Variants in UMODL1 observed in about 807,000 individuals in gnomAD.
UMODL1 encodes uromodulin-like 1.
UMODL1 carries 128 observed loss-of-function variants against 136.3 expected under a neutral mutation model. The ratio of observed to expected loss-of-function variants is 0.94; its 90% CI spans 0.81 to 1.09. The LOEUF (loss-of-function observed/expected upper bound fraction) is 1.09, where lower values mean the gene tolerates loss of function less well. UMODL1 is among the 50% of genes least tolerant of loss of function. The probability of loss-of-function intolerance (pLI) is 0.00; values close to 1 mark genes in which losing one functional copy is unlikely to be tolerated. For missense variants in UMODL1, 1,766 were observed against 1,725.6 expected, an observed-to-expected ratio of 1.02 and a Z score of -0.41; for synonymous variants, 721 against 720.0, an observed-to-expected ratio of 1.00 and a Z score of -0.02.
Position 42,071,341 on chromosome 21 carries a change from C to T in UMODL1, c.25C>T (p.Leu9=). Residue 9 remains leucine (L), a synonymous_variant, in exon 1 of 23, where the codon CTG becomes TTG. Coordinates refer to ENST00000408910, the MANE Select transcript of UMODL1 (RefSeq NM_001004416.3). The stretch of plus-strand genomic sequence containing the variant: ...GATGCTCAGGACCTCGGGGCTGGCA[C>T]TGCTGGCTCTGGTCAGTGCTGTGGG... MLRTSGLA[L]LALVSAVGPS... 1.3e-6 allele frequency: 2 copies of T among 1,596,718 alleles called. No individual in the cohort carries two copies. The highest frequency in any genetic ancestry group is 2.3e-5 in the South Asian group (2 of 88,406).
intron 10 of UMODL1, among the ~76,000 whole-genome samples, chr21:42,110,427 T>C (rs534716000): frequency 6.6e-6 from 1 of 152,322 alleles, no homozygotes; most frequent in South Asian, 2.1e-4. Flanking sequence ...CTGTCCTGCT[T>C]CCTAACATCC....
At chr21:42,094,174 C>T (rs777480372) in intron 6 of UMODL1, 32 of 344,130 alleles carry the variant, frequency 9.3e-5, no homozygotes, top group Non-Finnish European at 1.8e-4. Context: ...GCCGCTCGAG[C>T]GACCGCCAAA....
chr21:42,064,496 G>A (rs993348485), intron 1 of UMODL1, among the ~76,000 whole-genome samples: 1 of 152,328 alleles, frequency 6.6e-6, no homozygotes, highest in African/African-American at 2.4e-5. Context: ...TGGTGGACTT[G>A]TCAGCTCCGT....
chr21:42,109,703 C>T lies in UMODL1; in HGVS notation c.1657+4C>T, dbSNP rs536415460. On this transcript the variant is annotated splice_donor_region_variant and intron_variant, in intron 10 of 22. Transcript: ENST00000408910. Reference sequence around the variant, plus strand: ...CGCGCAGGCCGGGCCTGTGAGGGTACGTGTCGACCCCCCTGCCGACTCTGG... The same window carrying T: ...CGCGCAGGCCGGGCCTGTGAGGGTATGTGTCGACCCCCCTGCCGACTCTGG... The T allele has an allele frequency of 3.0e-5, 48 of 1,600,706 alleles. No individual in the cohort carries two copies. Among genetic ancestry groups the T allele is most frequent in the Middle Eastern group, 1.7e-4 (1 of 5,896 alleles).
chr21:42,084,385 G>T (rs929334016), intron 3 of UMODL1, 140 bp downstream of exon 3: 2 of 864,424 alleles, frequency 2.3e-6, no homozygotes, highest in Admixed American at 3.5e-5. Flanking sequence ...GTGTGCACAG[G>T]CAGCACCTGC....
At chr21:42,101,603 G>A (rs777877220) in intron 7 of UMODL1, 16 of 409,740 alleles carry the variant, frequency 3.9e-5, no homozygotes, top group Non-Finnish European at 5.8e-5. Flanking sequence ...AATGAAAGAT[G>A]AATATTCCCG....
At chr21:42,136,564 G>A (rs929199483) in intron 21 of UMODL1, among the ~76,000 whole-genome samples, 1 of 152,202 alleles carries the variant, frequency 6.6e-6, no homozygotes, top group Non-Finnish European at 1.5e-5. Context: ...GTTGGGTCAT[G>A]TTCCATTGCA....
intron 17 of UMODL1, among the ~76,000 whole-genome samples, chr21:42,124,136 C>T (rs1161731147): frequency 1.3e-5 from 2 of 151,826 alleles, no homozygotes; most frequent in Non-Finnish European, 2.9e-5. Context: ...GCGAACGCTC[C>T]CATGCAGGCC....
At chr21:42,113,965 C>G in intron 13 of UMODL1, 135 bp downstream of exon 13, 2 of 1,283,974 alleles carry the variant, frequency 1.6e-6, no homozygotes, top group Non-Finnish European at 2.1e-6. Flanking sequence ...TAGGGACATC[C>G]GGCTGGCTTC....
chr21:42,128,047 C>T, intron 20 of UMODL1: 2 of 674,000 alleles, frequency 3.0e-6, no homozygotes, highest in South Asian at 3.0e-5. Flanking sequence ...TGGGCATTTC[C>T]CATTTCTCAA....
At chr21:42,077,041 G>A (rs921371390) in intron 2 of UMODL1, among the ~76,000 whole-genome samples, 1 of 140,994 alleles carries the variant, frequency 7.1e-6, no homozygotes, top group Admixed American at 6.8e-5. Flanking sequence ...GTGTGTGTGT[G>A]TGTGTGTGTG....
chr21:42,108,451 G>A (rs2066755804), intron 9 of UMODL1: 4 of 468,966 alleles, frequency 8.5e-6, no homozygotes, highest in Non-Finnish European at 1.3e-5. Flanking sequence ...CTGCTTCTGT[G>A]GAGACCGCAG....
At position 42,085,402 on chromosome 21, in the gene UMODL1, T is replaced by C. The variant is rs1316345939; in HGVS notation, c.593T>C (p.Leu198Pro). The change falls in exon 4 of 23, where the codon CTG (leucine) becomes CCG (proline). Residue 198 changes from leucine to proline, a missense_variant. Transcript: ENST00000408910. The surrounding 1 kb of genome is among the most constrained non-coding windows in gnomAD (Gnocchi z 4.5). Reference protein sequence around the residue: ...DPRLLNHMRLLHSLVTSALQP... With the variant: ...DPRLLNHMRLPHSLVTSALQP... ...AGGCTCCTGAACCACATGCGCCTTC[T>C]GCATTCCTTGGTAGGTGAGACAGAC... 1 of 1,613,948 alleles carries C rather than the reference T, an allele frequency of 6.2e-7. No individual in the cohort carries two copies. The highest frequency in any genetic ancestry group is 1.1e-5 in the South Asian group (1 of 91,078).
chr21:42,108,260 T>G (rs369568174), intron 9 of UMODL1: 6 of 487,962 alleles, frequency 1.2e-5, no homozygotes, highest in African/African-American at 1.2e-4. Context: ...CAGCCTAGGC[T>G]CCAACCCCAA....
At position 42,126,382 on chromosome 21, in the gene UMODL1, A is replaced by G. The variant is rs755096560; in HGVS notation, c.3185A>G (p.Asn1062Ser). The part of the protein sequence containing the change: ...TNTVVRTTLR[N>S]DLSQEGIIHH... ...ACCGTGGTGAGGACCACGCTGAGGA[A>G]CGACCTGTCCCAGGAGGGCATCATC... Residue 1062 changes from asparagine (N) to serine (S), a missense_variant, in exon 18 of 23, where the codon AAC becomes AGC. Transcript: ENST00000408910. The G allele has an allele frequency of 1.1e-5, 18 of 1,614,178 alleles. No homozygotes were observed. Among genetic ancestry groups the G allele is most frequent in the Middle Eastern group, 1.6e-4 (1 of 6,062 alleles).
At chr21:42,139,307 C>G (rs866493346) in intron 22 of UMODL1, among the ~76,000 whole-genome samples, 6 of 152,108 alleles carry the variant, frequency 3.9e-5, no homozygotes, top group Admixed American at 2.6e-4. Context: ...TGGCAGAAGA[C>G]CAAGGGGAAG....
chr21:42,076,382 C>T lies in UMODL1; in HGVS notation c.319+135C>T. ...AGCACGGCTCCCAGCCTTGACCAGG[C>T]AGCAGGTCATCGGCAGGGCTTTCCC... is the stretch of plus-strand genomic sequence containing the variant. On this transcript the variant is annotated intron_variant, in intron 2 of 22. Coordinates refer to ENST00000408910, the MANE Select transcript of UMODL1 (RefSeq NM_001004416.3). 2.1e-6 allele frequency: 3 copies of T among 1,402,764 alleles called. No individual in the cohort carries two copies. The Admixed American group carries it at 5.8e-5, about 27-fold the overall frequency. The allele number at this position is 1,402,764 out of a possible 1,614,324, so 86.9% of individuals were successfully genotyped here.
chr21:42,091,109 TG>T (rs2066486966), intron 6 of UMODL1, among the ~76,000 whole-genome samples: 1 of 152,234 alleles, frequency 6.6e-6, no homozygotes. Flanking sequence ...GATCTCCTAG[TG>T]GGCCACCCTC....
chr21:42,103,501 G>A (rs2146480687), intron 8 of UMODL1: 1 of 378,106 alleles, frequency 2.6e-6, no homozygotes, highest in Non-Finnish European at 5.3e-6. Flanking sequence ...TTGTTCCTTG[G>A]TGGGGCCTCT....
Sources: gnomAD v4.1 joint callset for allele counts (sites outside exome capture counted in the v4.1 genomes callset) on GRCh38, gnomAD v4.1.1 for gene constraint, Gnocchi (gnomAD v3.1) non-coding constraint, MANE v1.5 for transcripts, NCBI Gene and HGNC (gene_info 2026-07-23, HGNC 2026-07-21) for gene names.